Variants in TMEM182 observed in about 807,000 individuals in gnomAD.
The protein encoded by TMEM182 is transmembrane protein 182.
In TMEM182, 20 loss-of-function variants were observed where a neutral mutation model predicts 26.8. The observed-to-expected ratio is 0.75, with a 90% CI of 0.53 to 1.09. The LOEUF is 1.09. TMEM182 is among the 50% of genes least tolerant of loss of function. TMEM182 has a pLI of 0.00. For synonymous variants in TMEM182, 109 were observed against 102.2 expected (o/e 1.07, Z -0.40); for missense variants, 277 against 275.5 (o/e 1.01, Z -0.04).
rs1682796942 is a variant in TMEM182 at position 102,817,525 on chromosome 2, T to A, written c.*2557T>A. 1 of 985,420 alleles carries A rather than the reference T, an allele frequency of 1.0e-6. No individual in the cohort carries two copies. The highest frequency in any genetic ancestry group is 1.2e-6 in the Non-Finnish European group (1 of 829,922). The allele number at this position is 985,420 out of a possible 1,614,324, so 61.0% of individuals were successfully genotyped here. On this transcript the variant is annotated 3_prime_UTR_variant, in exon 5 of 5. Transcript: ENST00000412401. ...GAGACTACACAGAGAAGTTTAATGA[T>A]CGTGTACAATTTGAGGGTTGATGGT...
At chr2:102,834,552 T>C (rs1274791461) in intron 3 of TMEM182, 1 of 484,622 alleles carries the variant, frequency 2.1e-6, no homozygotes, top group Non-Finnish European at 2.7e-6. Context: ...TCCATGAGAG[T>C]GTTATTGCTA....
At chr2:102,838,017 G>A (rs1683278260) in intron 3 of TMEM182, among the ~76,000 whole-genome samples, 1 of 152,230 alleles carries the variant, frequency 6.6e-6, no homozygotes, top group Non-Finnish European at 1.5e-5. Flanking sequence ...CTCAGCGCCA[G>A]GCCCTGTGTG....
chr2:102,782,121 C>T (rs186288685), intron 3 of TMEM182, among the ~76,000 whole-genome samples: 28 of 152,182 alleles, frequency 1.8e-4, no homozygotes, highest in South Asian at 6.2e-4. Context: ...GCGTGGCCAA[C>T]GTGGCGAAAC....
chr2:102,822,394 T>A (rs1682939688), downstream of TMEM182, among the ~76,000 whole-genome samples: 1 of 152,154 alleles, frequency 6.6e-6, no homozygotes, highest in African/African-American at 2.4e-5. Context: ...AGGACGATGT[T>A]TCGAGAAGCG....
At position 102,736,954 on chromosome 2, in the gene TMEM182, C is replaced by A. The variant is rs545454711; in HGVS notation, c.-142C>A. 3 of 1,024,454 alleles carry A rather than the reference C, an allele frequency of 2.9e-6. No individual in the cohort carries two copies. In the East Asian group the frequency reaches 8.3e-5, roughly 28 times the overall value. 63.5% of individuals were successfully genotyped at this position (1,024,454 alleles called of 1,614,324 possible). On this transcript the variant is annotated 5_prime_UTR_variant, in exon 1 of 6. Transcript: ENST00000409173. ...CCTGGCAGCTCCGCGGGTGCGTGGC[C>A]GGTGCTGGCTGGGAGTTCTGGTCTC...
chr2:102,813,826 C>T (rs886939424), intron 4 of TMEM182, among the ~76,000 whole-genome samples: 1 of 152,090 alleles, frequency 6.6e-6, no homozygotes, highest in Non-Finnish European at 1.5e-5. Flanking sequence ...ATTACAGTTA[C>T]GTTGTAATTG....
At chr2:102,798,728 C>T (rs1474718760) in intron 4 of TMEM182, among the ~76,000 whole-genome samples, 2 of 152,090 alleles carry the variant, frequency 1.3e-5, no homozygotes, top group African/African-American at 4.8e-5. Context: ...GTAATCCCAG[C>T]TACTCAGGAG....
chr2:102,764,921 C>T (rs2104661816), intron 3 of TMEM182, among the ~76,000 whole-genome samples: 1 of 151,714 alleles, frequency 6.6e-6, no homozygotes, highest in South Asian at 2.1e-4. Context: ...TGTGTAATAT[C>T]CCATAGGAGA....
At chr2:102,788,942 CCTT>C (rs1456714822) in intron 3 of TMEM182, among the ~76,000 whole-genome samples, 2 of 152,154 alleles carry the variant, frequency 1.3e-5, no homozygotes, top group African/African-American at 2.4e-5. Context: ...TACAGCCTGT[CCTT>C]CTGCTTTGGT....
At chr2:102,803,469 C>G (rs1259166567) in intron 4 of TMEM182, among the ~76,000 whole-genome samples, 2 of 152,206 alleles carry the variant, frequency 1.3e-5, no homozygotes, top group African/African-American at 4.8e-5. Flanking sequence ...GCAGGTTAGA[C>G]TGACTTAAAA....
At chr2:102,809,232 G>T (rs1002798987) in intron 4 of TMEM182, among the ~76,000 whole-genome samples, 1 of 152,138 alleles carries the variant, frequency 6.6e-6, no homozygotes, top group African/African-American at 2.4e-5. Context: ...CTTTTGTAGG[G>T]GTATGGTCAG....
chr2:102,775,359 C>T (rs951860271), intron 3 of TMEM182: 2 of 151,614 alleles, frequency 1.3e-5, no homozygotes, highest in African/African-American at 4.9e-5. Flanking sequence ...TAAAAACTCT[C>T]AATAAATTAG....
rs540047047 is a variant in TMEM182, at chr2:102,830,107, A to G, written c.326-13305A>G. Among the ~76,000 whole-genome samples the G allele has an allele frequency of 5.9e-5, 9 of 152,280 alleles. No individual in the cohort carries two copies. In the South Asian group the frequency reaches 1.5e-3, roughly 25 times the overall value. ...TAAGAGTTTATGTCTTCTGCAGTCT[A>G]TGTGATTTCTCATTGGCCTGCCATT... On this transcript the variant is annotated intron_variant, in intron 3 of 3. Transcript: ENST00000486293.
At chr2:102,802,290 AGGAG>A (rs1288213296) in intron 4 of TMEM182, among the ~76,000 whole-genome samples, 1 of 152,210 alleles carries the variant, frequency 6.6e-6, no homozygotes, top group African/African-American at 2.4e-5. Context: ...GCTGTGGGGT[AGGAG>A]CGGTGGGGCC....
intron 3 of TMEM182, among the ~76,000 whole-genome samples, chr2:102,832,743 C>T (rs1304465012): frequency 6.6e-6 from 1 of 152,198 alleles, no homozygotes; most frequent in Non-Finnish European, 1.5e-5. Flanking sequence ...TAATTGTTTT[C>T]AGAAAGCTAT....
intron 3 of TMEM182, among the ~76,000 whole-genome samples, chr2:102,779,755 G>A (rs1289938509): frequency 6.6e-6 from 1 of 151,328 alleles, no homozygotes; most frequent in Non-Finnish European, 1.5e-5. Context: ...CCAGCATTTT[G>A]GGAGGCCAAG....
intron 3 of TMEM182, among the ~76,000 whole-genome samples, chr2:102,791,983 T>C (rs897023017): frequency 1.1e-4 from 16 of 151,504 alleles, no homozygotes; most frequent in Non-Finnish European, 2.2e-4. Flanking sequence ...AAAAATTGCA[T>C]AGGAATATAA....
chr2:102,747,011 A>G (rs943043209), intron 1 of TMEM182, among the ~76,000 whole-genome samples: 18 of 152,254 alleles, frequency 1.2e-4, no homozygotes, highest in African/African-American at 4.3e-4. Context: ...CAAATTACTT[A>G]GACTTTAAAT....
intron 1 of TMEM182, among the ~76,000 whole-genome samples, chr2:102,741,641 T>C (rs573178342): frequency 5.9e-5 from 9 of 152,162 alleles, no homozygotes; most frequent in Admixed American, 1.3e-4. Flanking sequence ...CCCCAGACAC[T>C]TAAGCCCACT....
Sources: allele counts gnomAD v4.1 joint callset (sites outside exome capture counted in the v4.1 genomes callset), GRCh38; gene constraint gnomAD v4.1.1; transcripts MANE v1.5; gene names NCBI Gene and HGNC (gene_info 2026-07-23, HGNC 2026-07-21).